TDRD12: variants seen among roughly 807,000 people sequenced by gnomAD.
TDRD12 encodes the protein putative ATP-dependent RNA helicase TDRD12.
Under a neutral mutation model 133.5 loss-of-function variants are expected in TDRD12, and 158 were observed. That is an observed-to-expected ratio of 1.18 (90% CI 1.04 to 1.35). TDRD12 has a LOEUF of 1.35. TDRD12 is among the 40% of genes most tolerant of loss of function. TDRD12 has a pLI of 0.00. For missense variants in TDRD12, 1,443 were observed against 1,321.3 expected, an observed-to-expected ratio of 1.09 and a Z score of -1.43; for synonymous variants, 460 against 477.9, an observed-to-expected ratio of 0.96 and a Z score of 0.49.
intron 6 of TDRD12, among the ~76,000 whole-genome samples, chr19:32,753,664 T>G (rs1452239044): frequency 1.4e-5 from 2 of 143,476 alleles, no homozygotes; most frequent in African/African-American, 2.6e-5. Flanking sequence ...CCATCACACC[T>G]GGCTAATTTT....
chr19:32,760,793 C>T lies in TDRD12; in HGVS notation c.865+3663C>T, dbSNP rs960357295. ...TCTTAGGAGGGAAACAAAGTCTGTG[C>T]TTCCATAGAGTTTACATCCATCTTC... On this transcript the variant is annotated intron_variant, in intron 8 of 27. Transcript: ENST00000444215. 2.6e-5 allele frequency among the ~76,000 whole-genome samples: 4 copies of T among 152,168 alleles called. No homozygotes were observed. In the South Asian group the frequency reaches 8.3e-4, roughly 31 times the overall value.
At position 32,750,008 on chromosome 19, in the gene TDRD12, C is replaced by T. The variant is rs541902936; in HGVS notation, c.582+139C>T. ...AATCTCTTAAGGTCTATCTTAGACCCGAAGTTAGCCAGGTCTGTGTTTTCT... is the reference window on the plus strand; with the variant it reads ...AATCTCTTAAGGTCTATCTTAGACCTGAAGTTAGCCAGGTCTGTGTTTTCT... On this transcript the variant is annotated intron_variant, in intron 6 of 27. Coordinates refer to ENST00000444215, the Ensembl canonical transcript of TDRD12. The T allele has an allele frequency of 1.9e-5, 10 of 536,658 alleles. No individual in the cohort carries two copies. The South Asian group carries it at 2.7e-4, about 15-fold the overall frequency. 33.2% of individuals were successfully genotyped at this position (536,658 alleles called of 1,614,324 possible). A position where few individuals can be genotyped will look rare whatever the true frequency, so the allele number is the denominator to read the frequency against.
intron 2 of TDRD12, among the ~76,000 whole-genome samples, chr19:32,732,968 TTTTG>T: frequency 6.6e-6 from 1 of 150,724 alleles, no homozygotes; most frequent in Non-Finnish European, 1.5e-5. Context: ...AGCCTAGGAG[TTTTG>T]TGAACAGCCT....
At chr19:32,750,449 T>C (rs1969790836) in intron 6 of TDRD12, among the ~76,000 whole-genome samples, 1 of 152,214 alleles carries the variant, frequency 6.6e-6, no homozygotes, top group Non-Finnish European at 1.5e-5. Context: ...AATTGTATTT[T>C]GAAATAGACT....
intron 11 of TDRD12, among the ~76,000 whole-genome samples, chr19:32,785,372 A>C (rs1236129178): frequency 6.6e-6 from 1 of 152,160 alleles, no homozygotes; most frequent in Non-Finnish European, 1.5e-5. Context: ...GGAGTGTTTT[A>C]CTTCCAATTA....
rs146689367 is a variant in TDRD12 at position 32,809,524 on chromosome 19, C to G, written c.2653-569C>G. ...GCAGCCAGGGCTCCCTCCCTTCACACAGAGCGTCTCTGCCCTCTGCACACT... is the reference window on the plus strand; with the variant it reads ...GCAGCCAGGGCTCCCTCCCTTCACAGAGAGCGTCTCTGCCCTCTGCACACT... On this transcript the variant is annotated intron_variant, in intron 22 of 27. Transcript: ENST00000444215. Among the ~76,000 whole-genome samples, 327 of 152,360 alleles carry G rather than the reference C, an allele frequency of 2.1e-3. 2 individuals carry two copies. Among genetic ancestry groups the G allele is most frequent in the African/African-American group, 7.3e-3 (302 of 41,592 alleles).
intron 24 of TDRD12, among the ~76,000 whole-genome samples, chr19:32,813,413 G>A (rs188341322): frequency 4.3e-4 from 66 of 152,286 alleles, no homozygotes; most frequent in Middle Eastern, 3.4e-3. Context: ...AGAAGAAAAT[G>A]TACAGTGTTG....
intron 1 of TDRD12, among the ~76,000 whole-genome samples, chr19:32,730,450 A>C (rs1969014573): frequency 6.6e-6 from 1 of 152,116 alleles, no homozygotes; most frequent in African/African-American, 2.4e-5. Flanking sequence ...GTAGCTCTTC[A>C]CTGCCTTCAA....
At chr19:32,811,406 G>A in exon 24 of TDRD12, 1 of 1,536,130 alleles carries the variant, frequency 6.5e-7, no homozygotes, top group Non-Finnish European at 8.7e-7. Context: ...CAACGAAATA[G>A]AATGGAATCC....
At chr19:32,781,399 A>T (rs1302530093) in intron 11 of TDRD12, among the ~76,000 whole-genome samples, 2 of 152,126 alleles carry the variant, frequency 1.3e-5, no homozygotes, top group Non-Finnish European at 1.5e-5. Flanking sequence ...ACATCCTGAG[A>T]TTCTCTGCAT....
chr19:32,804,436 G>A (rs558159996), intron 21 of TDRD12, among the ~76,000 whole-genome samples: 197 of 149,658 alleles, frequency 1.3e-3, no homozygotes, highest in African/African-American at 4.4e-3. Context: ...GCTCACACCT[G>A]TAATCCCAGC....
Position 32,720,101 on chromosome 19 carries a change from G to C in TDRD12, c.24+5G>C, listed in dbSNP as rs1407211892. The C allele has an allele frequency of 6.5e-7, 1 of 1,547,676 alleles. No homozygotes were observed. The stretch of plus-strand genomic sequence containing the variant: ...CTCCAGCTCCTGGTGCTGAAGGTGA[G>C]CGCCGCCAAGCCAGACCCACGCCAG... On this transcript the variant is annotated splice_donor_5th_base_variant and intron_variant, in intron 1 of 27. Transcript: ENST00000444215.
intron 27 of TDRD12, among the ~76,000 whole-genome samples, chr19:32,819,816 G>T (rs181353631): frequency 2.0e-5 from 3 of 152,322 alleles, no homozygotes; most frequent in African/African-American, 2.4e-5. Context: ...GTTAGGGAAC[G>T]TGGGTCTGCA....
chr19:32,796,161 C>T, intron 14 of TDRD12: 4 of 985,316 alleles, frequency 4.1e-6, no homozygotes, highest in Middle Eastern at 5.2e-4. Flanking sequence ...CATCTCGGGG[C>T]CTGGCACTGA....
At chr19:32,803,891 C>T (rs1313808488) in intron 21 of TDRD12, among the ~76,000 whole-genome samples, 1 of 151,792 alleles carries the variant, frequency 6.6e-6, no homozygotes, top group East Asian at 1.9e-4. Flanking sequence ...GGTCTTTTGA[C>T]CAGTTTTTAC....
chr19:32,824,380 T>A (rs1967514119), downstream of TDRD12: 1 of 152,964 alleles, frequency 6.5e-6, no homozygotes, highest in African/African-American at 2.4e-5. Flanking sequence ...TCTGCAGACG[T>A]GACACCCGCA....
intron 14 of TDRD12, 97 bp from the exon 15 acceptor site, chr19:32,797,638 G>A: frequency 1.8e-6 from 1 of 548,500 alleles, no homozygotes; most frequent in South Asian, 2.8e-5. Context: ...AACTTACGGG[G>A]TGCTGCTTCT....
At chr19:32,731,508 C>A (rs190440141) in intron 1 of TDRD12, among the ~76,000 whole-genome samples, 1 of 151,916 alleles carries the variant, frequency 6.6e-6, no homozygotes, top group Non-Finnish European at 1.5e-5. Flanking sequence ...TGAGGACATC[C>A]GTTCGTTATT....
chr19:32,746,617 T>A (rs567296419), intron 4 of TDRD12, among the ~76,000 whole-genome samples: 20 of 136,242 alleles, frequency 1.5e-4, no homozygotes, highest in African/African-American at 5.1e-4. Context: ...TCTGTGTGTG[T>A]GAGAGAGAGA....
Sources: allele counts gnomAD v4.1 joint callset (sites outside exome capture counted in the v4.1 genomes callset), GRCh38; gene constraint gnomAD v4.1.1; transcripts MANE v1.5; gene names NCBI Gene and HGNC (gene_info 2026-07-23, HGNC 2026-07-21).